The following TTC7B variants were observed in gnomAD, a reference collection of about 807,000 sequenced individuals.
The protein encoded by TTC7B is tetratricopeptide repeat domain 7B, also known as tetratricopeptide repeat protein 7B.
TTC7B carries 28 observed loss-of-function variants against 106.8 expected under a neutral mutation model. That is an observed-to-expected ratio of 0.26 (90% CI 0.19 to 0.36). The LOEUF is 0.36. TTC7B is among the 10% of genes least tolerant of loss of function. TTC7B has a pLI of 1.00. For missense variants in TTC7B, 862 were observed against 1,076.4 expected (o/e 0.80, Z 2.79); for synonymous variants, 405 against 430.6 (o/e 0.94, Z 0.74).
At chr14:90,676,042 A>C (rs1202368339) in intron 9 of TTC7B, 1 of 152,578 alleles carries the variant, frequency 6.6e-6, no homozygotes, top group Non-Finnish European at 1.5e-5. Context: ...GAAATCCACG[A>C]GGGTCCCTTC....
intron 5 of TTC7B, among the ~76,000 whole-genome samples, chr14:90,711,455 T>C (rs972125555): frequency 2.0e-5 from 3 of 152,210 alleles, no homozygotes; most frequent in African/African-American, 7.2e-5. Flanking sequence ...GGAGTCTCGC[T>C]CTGTTGCCCA....
chr14:90,738,751 T>C (rs755348546), intron 4 of TTC7B, among the ~76,000 whole-genome samples: 2 of 152,198 alleles, frequency 1.3e-5, no homozygotes, highest in Non-Finnish European at 2.9e-5. Flanking sequence ...CCAAAGGAAG[T>C]TGGCGTGGAA....
intron 15 of TTC7B, among the ~76,000 whole-genome samples, chr14:90,642,002 TGA>T (rs1885200950): frequency 1.3e-5 from 2 of 151,978 alleles, no homozygotes. Flanking sequence ...TAAATATTGA[TGA>T]GAGACACTGA....
At chr14:90,760,480 A>G (rs1447853928) in intron 3 of TTC7B, among the ~76,000 whole-genome samples, 1 of 152,168 alleles carries the variant, frequency 6.6e-6, no homozygotes, top group Non-Finnish European at 1.5e-5. Flanking sequence ...AACATGATAC[A>G]TTTAAACCTC....
intron 19 of TTC7B, among the ~76,000 whole-genome samples, chr14:90,554,107 T>G (rs1207177035): frequency 6.6e-6 from 1 of 152,214 alleles, no homozygotes; most frequent in African/African-American, 2.4e-5. Flanking sequence ...TCTTTGAAAC[T>G]GGGTGCTTCA....
chr14:90,679,513 C>T (rs1043743732), intron 8 of TTC7B, among the ~76,000 whole-genome samples: 1 of 152,132 alleles, frequency 6.6e-6, no homozygotes, highest in Admixed American at 6.5e-5. Flanking sequence ...TGGCGGTAAG[C>T]GGTGACAACT....
chr14:90,759,881 A>G lies in TTC7B; in HGVS notation c.446-14959T>C, dbSNP rs890009081. On this transcript the variant is annotated intron_variant, in intron 3 of 19. Coordinates refer to ENST00000328459, the MANE Select transcript of TTC7B (RefSeq NM_001010854.2). The surrounding 1 kb of genome is among the most constrained non-coding windows in gnomAD (Gnocchi z 4.1). ...TCACAGGCACCCCTGTGCAGCAGGCACTGTTGTCCCTGGCGCACATGCAGG... is the reference window on the plus strand; with the variant it reads ...TCACAGGCACCCCTGTGCAGCAGGCGCTGTTGTCCCTGGCGCACATGCAGG... Among the ~76,000 whole-genome samples the G allele has an allele frequency of 6.6e-6, 1 of 152,232 alleles. No homozygotes were observed. Among genetic ancestry groups the G allele is most frequent in the East Asian group, 1.9e-4 (1 of 5,198 alleles).
At chr14:90,590,899 G>C (rs557779766) in intron 18 of TTC7B, among the ~76,000 whole-genome samples, 1 of 152,364 alleles carries the variant, frequency 6.6e-6, no homozygotes, top group South Asian at 2.1e-4. Context: ...AGGGTTTACA[G>C]GGTCGACAGT....
chr14:90,694,234 T>G (rs557422250), intron 6 of TTC7B, among the ~76,000 whole-genome samples: 4 of 152,164 alleles, frequency 2.6e-5, no homozygotes, highest in African/African-American at 9.6e-5. Context: ...CGAGACTCTA[T>G]CTCAAAACAA....
rs571000050 is a variant in TTC7B at position 90,789,809 on chromosome 14, T to C, written c.122-3481A>G. ...TAGTCGGGAGGCTGAGGCAGGAGAA[T>C]GGCGTGAACCTGGGGGGTGGAGCTT... On this transcript the variant is annotated intron_variant, in intron 1 of 19. Transcript: ENST00000328459. Among the ~76,000 whole-genome samples, 4 of 150,654 alleles carry C rather than the reference T, an allele frequency of 2.7e-5. No homozygotes were observed. The South Asian group carries it at 8.4e-4, about 32-fold the overall frequency.
rs574199379 is a variant in TTC7B, at chr14:90,758,464, G to A, written c.446-13542C>T. ...CGAAACGCGAGGGGAGGGGAGATGGGCGGGGCGGGGCAGGGGGGGCACGGT... is the reference window on the plus strand; with the variant it reads ...CGAAACGCGAGGGGAGGGGAGATGGACGGGGCGGGGCAGGGGGGGCACGGT... On this transcript the variant is annotated intron_variant, in intron 3 of 19. Coordinates refer to ENST00000328459, the MANE Select transcript of TTC7B (RefSeq NM_001010854.2). Among the ~76,000 whole-genome samples, 247 of 148,884 alleles carry A rather than the reference G, an allele frequency of 1.7e-3. 1 individual carries two copies. Among genetic ancestry groups the A allele is most frequent in the African/African-American group, 5.7e-3 (232 of 40,538 alleles).
At chr14:90,659,954 C>CAAGA (rs1267182820) in intron 9 of TTC7B, among the ~76,000 whole-genome samples, 1 of 152,128 alleles carries the variant, frequency 6.6e-6, no homozygotes, top group Non-Finnish European at 1.5e-5. Flanking sequence ...GAGAGGCCTT[C>CAAGA]TCCTACAGAG....
chr14:90,672,550 C>T (rs1886674387), intron 9 of TTC7B, among the ~76,000 whole-genome samples: 1 of 152,332 alleles, frequency 6.6e-6, no homozygotes, highest in South Asian at 2.1e-4. Flanking sequence ...TCCTAGACCA[C>T]TTAATGCCTA....
chr14:90,766,525 G>A, intron 3 of TTC7B: 1 of 747,242 alleles, frequency 1.3e-6, no homozygotes, highest in South Asian at 1.4e-5. Context: ...CTCTTGTACT[G>A]CCGCCATGTC....
intron 1 of TTC7B, among the ~76,000 whole-genome samples, chr14:90,814,654 C>T (rs182264889): frequency 4.6e-5 from 7 of 152,280 alleles, no homozygotes; most frequent in East Asian, 1.9e-4. Context: ...ATGCCTACAC[C>T]GCTGGGAAGC....
At chr14:90,779,884 T>A (rs1891152239) in intron 3 of TTC7B, among the ~76,000 whole-genome samples, 1 of 152,226 alleles carries the variant, frequency 6.6e-6, no homozygotes, top group Admixed American at 6.5e-5. Flanking sequence ...CCTGAATAGG[T>A]ACACAGTTAA....
At chr14:90,721,562 C>T (rs1028387362) in intron 5 of TTC7B, among the ~76,000 whole-genome samples, 4 of 151,936 alleles carry the variant, frequency 2.6e-5, no homozygotes, top group Admixed American at 2.0e-4. Context: ...AATTAGAAGA[C>T]GATAGACTAG....
intron 16 of TTC7B, among the ~76,000 whole-genome samples, chr14:90,611,762 G>T (rs1002176205): frequency 2.6e-5 from 4 of 152,176 alleles, no homozygotes; most frequent in Admixed American, 2.6e-4. Context: ...GAGAGAAACT[G>T]TTAAGGGATC....
At position 90,709,013 on chromosome 14, in the gene TTC7B, G is replaced by A. The variant is rs376608677; in HGVS notation, c.699-13435C>T. On this transcript the variant is annotated intron_variant, in intron 5 of 19. Transcript: ENST00000328459. ...ACCATCTCACACCAGTTAGAATGGCGATCATTAAAAAGTCAGGAAACAACA... is the reference window on the plus strand; with the variant it reads ...ACCATCTCACACCAGTTAGAATGGCAATCATTAAAAAGTCAGGAAACAACA... Among the ~76,000 whole-genome samples the A allele has an allele frequency of 1.2e-3, 177 of 150,976 alleles. 2 individuals carry two copies. The East Asian group carries it at 0.03, about 26-fold the overall frequency.
Sources: gnomAD v4.1 joint callset for allele counts (sites outside exome capture counted in the v4.1 genomes callset) on GRCh38, gnomAD v4.1.1 for gene constraint, Gnocchi (gnomAD v3.1) non-coding constraint, MANE v1.5 for transcripts, NCBI Gene and HGNC (gene_info 2026-07-23, HGNC 2026-07-21) for gene names.